The following ENTHD1 variants were observed in gnomAD, a reference collection of about 807,000 sequenced individuals.
ENTHD1 encodes the protein ENTH domain-containing protein 1.
Under a neutral mutation model 39.1 loss-of-function variants are expected in ENTHD1, and 23 were observed. The observed-to-expected ratio is 0.59, with a 90% CI of 0.42 to 0.83. ENTHD1 has a LOEUF of 0.83. Among genes scored for constraint, ENTHD1 ranks in the 40% least tolerant of loss-of-function variants. The pLI, the probability that ENTHD1 is intolerant of heterozygous loss-of-function variation, is 0.00. For synonymous variants in ENTHD1, 230 were observed against 258.2 expected, an observed-to-expected ratio of 0.89 and a Z score of 1.05; for missense variants, 624 against 705.4, an observed-to-expected ratio of 0.88 and a Z score of 1.31.
At chr22:39,786,847 C>T (rs756474554) in intron 5 of ENTHD1, among the ~76,000 whole-genome samples, 2 of 152,188 alleles carry the variant, frequency 1.3e-5, no homozygotes, top group African/African-American at 2.4e-5. Flanking sequence ...CAGGTTTATT[C>T]ATGTTGTCAC....
rs2065072270 is a variant in ENTHD1 at position 39,743,081 on chromosome 22, A to G, written c.*598T>C. 1 of 152,260 alleles carries G rather than the reference A, an allele frequency of 6.6e-6. No homozygotes were observed. Among genetic ancestry groups the G allele is most frequent in the South Asian group, 2.1e-4 (1 of 4,834 alleles). The allele number at this position is 152,260 out of a possible 1,614,324, so 9.4% of individuals were successfully genotyped here. ...AATTTATTTTCTGAAGTAGAATAAA[A>G]GGATGCATTTGAATTCACCTTGCAA... On this transcript the variant is annotated 3_prime_UTR_variant, in exon 7 of 7. Transcript: ENST00000325157.
At chr22:39,795,132 A>G (rs568524329) in intron 5 of ENTHD1, among the ~76,000 whole-genome samples, 1 of 152,250 alleles carries the variant, frequency 6.6e-6, no homozygotes, top group Non-Finnish European at 1.5e-5. Context: ...ATGGTATATT[A>G]TCTTTTTGAT....
Position 39,887,554 on chromosome 22 carries a change from C to T in ENTHD1, c.195G>A (p.Gly65=), listed in dbSNP as rs2066389400. 1 of 1,614,040 alleles carries T rather than the reference C, an allele frequency of 6.2e-7. No individual in the cohort carries two copies. Among genetic ancestry groups the T allele is most frequent in the African/African-American group, 1.3e-5 (1 of 74,904 alleles). ...NMLWHRLNDH[G]KNWRHVYKSL... is the part of the protein sequence containing the mutation. ...ATTTATACACGTGGCGCCAGTTCTT[C>T]CCATGGTCATTGAGTCTGTGCCACA... Residue 65 remains glycine (G), a synonymous_variant, in exon 2 of 7, where the codon GGG becomes GGA. Coordinates refer to ENST00000325157, the MANE Select transcript of ENTHD1 (RefSeq NM_152512.4).
chr22:39,874,387 A>G (rs1299077530), intron 2 of ENTHD1: 2 of 152,196 alleles, frequency 1.3e-5, no homozygotes, highest in African/African-American at 4.8e-5. Context: ...CCCTTGACCA[A>G]AGAAAAATCC....
chr22:39,849,584 TAA>T (rs2146701839), intron 3 of ENTHD1, among the ~76,000 whole-genome samples: 1 of 152,356 alleles, frequency 6.6e-6, no homozygotes, highest in East Asian at 1.9e-4. Flanking sequence ...GTATTTCAAT[TAA>T]ACATTATAAC....
chr22:39,801,193 A>G (rs1240440203), intron 5 of ENTHD1, among the ~76,000 whole-genome samples: 1 of 152,256 alleles, frequency 6.6e-6, no homozygotes, highest in East Asian at 1.9e-4. Context: ...CCTAAGTTAA[A>G]TGAGTCAAAT....
At chr22:39,873,544 C>T (rs1429285094) in intron 2 of ENTHD1, among the ~76,000 whole-genome samples, 1 of 152,104 alleles carries the variant, frequency 6.6e-6, no homozygotes, top group African/African-American at 2.4e-5. Flanking sequence ...TAATTGTGTT[C>T]AGCCATAAAT....
intron 2 of ENTHD1, chr22:39,876,024 C>T: frequency 1.9e-6 from 3 of 1,613,912 alleles, no homozygotes; most frequent in Non-Finnish European, 2.5e-6. Context: ...CACTATGATG[C>T]ATCTGGCAGG....
chr22:39,821,355 G>C (rs900064266), intron 4 of ENTHD1, among the ~76,000 whole-genome samples: 4 of 152,098 alleles, frequency 2.6e-5, no homozygotes, highest in Admixed American at 6.6e-5. Flanking sequence ...TTTGCTTAGG[G>C]CACTACCTTT....
At chr22:39,794,408 A>G (rs936230521) in intron 5 of ENTHD1, among the ~76,000 whole-genome samples, 4 of 152,274 alleles carry the variant, frequency 2.6e-5, no homozygotes, top group South Asian at 4.1e-4. Flanking sequence ...GCAAAGACAA[A>G]CAATTTTACT....
intron 3 of ENTHD1, among the ~76,000 whole-genome samples, chr22:39,841,007 TG>T (rs1399866564): frequency 6.6e-6 from 1 of 152,216 alleles, no homozygotes; most frequent in Non-Finnish European, 1.5e-5. Flanking sequence ...CCCAAAGTGC[TG>T]GGATTACAGG....
intron 5 of ENTHD1, 47 bp from the exon 6 acceptor site, chr22:39,765,656 A>G (rs2065270863): frequency 6.8e-7 from 1 of 1,479,902 alleles, no homozygotes; most frequent in African/African-American, 1.4e-5. Context: ...AAAACTGAAA[A>G]TACTCTATTT....
At chr22:39,884,555 A>G (rs1219486540) in intron 2 of ENTHD1, among the ~76,000 whole-genome samples, 2 of 152,110 alleles carry the variant, frequency 1.3e-5, no homozygotes, top group Non-Finnish European at 2.9e-5. Context: ...AGAATAGAAA[A>G]AAAAAAAAGC....
intron 2 of ENTHD1, among the ~76,000 whole-genome samples, chr22:39,873,018 T>C (rs962244124): frequency 6.6e-6 from 1 of 151,722 alleles, no homozygotes; most frequent in Non-Finnish European, 1.5e-5. Context: ...AGAGACAGGG[T>C]CTCACTATGT....
intron 2 of ENTHD1, among the ~76,000 whole-genome samples, chr22:39,882,964 A>G (rs1247809319): frequency 6.8e-6 from 1 of 147,144 alleles, no homozygotes; most frequent in Non-Finnish European, 1.5e-5. Flanking sequence ...AGATAGCGCC[A>G]CTGCACTCCA....
rs951634983 is a variant in ENTHD1, at chr22:39,890,386, T to C, written c.-155-2483A>G. Among the ~76,000 whole-genome samples the C allele has an allele frequency of 5.9e-5, 9 of 152,072 alleles. No individual in the cohort carries two copies. The East Asian group carries it at 7.7e-4, about 13-fold the overall frequency. ...GGGTTTTTTTTTCTATTGTCCTTTTTTTCCTTCTACCAAACTCACTCAATG... is the reference window on the plus strand; with the variant it reads ...GGGTTTTTTTTTCTATTGTCCTTTTCTTCCTTCTACCAAACTCACTCAATG... On this transcript the variant is annotated intron_variant, in intron 1 of 6. Coordinates refer to ENST00000325157, the MANE Select transcript of ENTHD1 (RefSeq NM_152512.4).
chr22:39,828,217 G>A (rs1378687329), intron 4 of ENTHD1, among the ~76,000 whole-genome samples: 1 of 152,174 alleles, frequency 6.6e-6, no homozygotes, highest in African/African-American at 2.4e-5. Context: ...AAAGGAACTT[G>A]AGAAGCATGG....
intron 5 of ENTHD1, among the ~76,000 whole-genome samples, chr22:39,783,688 G>C (rs1227189078): frequency 2.0e-5 from 3 of 152,040 alleles, no homozygotes; most frequent in African/African-American, 7.2e-5. Context: ...GGGAAAACTG[G>C]ATAACTATAG....
chr22:39,846,051 A>G (rs1340302108), intron 3 of ENTHD1, among the ~76,000 whole-genome samples: 1 of 152,194 alleles, frequency 6.6e-6, no homozygotes, highest in East Asian at 1.9e-4. Flanking sequence ...CAACAAAGGT[A>G]CCAAGAATAC....
Sources: gnomAD v4.1 joint callset for allele counts (sites outside exome capture counted in the v4.1 genomes callset) on GRCh38, gnomAD v4.1.1 for gene constraint, MANE v1.5 for transcripts, NCBI Gene and HGNC (gene_info 2026-07-23, HGNC 2026-07-21) for gene names.